Variants in INPP4B observed in about 807,000 individuals in gnomAD.
INPP4B encodes the protein inositol polyphosphate-4-phosphatase type II B.
In INPP4B, 55 loss-of-function variants were observed where a neutral mutation model predicts 122.5. The observed-to-expected ratio is 0.45, with a 90% CI of 0.36 to 0.56. The LOEUF (loss-of-function observed/expected upper bound fraction) is 0.56, where lower values mean the gene tolerates loss of function less well. Ranked by LOEUF, INPP4B falls within the 20% of genes least tolerant of loss-of-function variation. INPP4B has a pLI of 0.00. For missense variants in INPP4B, 1,000 were observed against 1,097.7 expected (o/e 0.91, Z 1.26); for synonymous variants, 403 against 388.7 (o/e 1.04, Z -0.43).
intron 22 of INPP4B, among the ~76,000 whole-genome samples, chr4:142,111,848 A>G (rs191336948): frequency 1.3e-5 from 2 of 152,204 alleles, no homozygotes. Context: ...AGTTCAAAAA[A>G]TTCTCCTGCC....
intron 2 of INPP4B, among the ~76,000 whole-genome samples, chr4:142,548,175 C>A (rs1037689213): frequency 5.9e-5 from 9 of 152,124 alleles, no homozygotes; most frequent in Admixed American, 3.9e-4. Flanking sequence ...CTTTGGAAAG[C>A]TTAAATGGTG....
chr4:142,113,829 G>T (rs1791513950), intron 21 of INPP4B, among the ~76,000 whole-genome samples: 1 of 151,862 alleles, frequency 6.6e-6, no homozygotes, highest in African/African-American at 2.4e-5. Context: ...AAATTGATAT[G>T]AATTCATGCA....
At chr4:142,717,497 C>A (rs560010687) in intron 2 of INPP4B, among the ~76,000 whole-genome samples, 1 of 152,120 alleles carries the variant, frequency 6.6e-6, no homozygotes, top group Admixed American at 6.6e-5. Context: ...ACCAAAATGT[C>A]CATCAATGGT....
chr4:142,138,217 T>G (rs2152817102), intron 18 of INPP4B, among the ~76,000 whole-genome samples: 1 of 151,884 alleles, frequency 6.6e-6, no homozygotes, highest in Middle Eastern at 3.4e-3. Flanking sequence ...TAAAAAATGA[T>G]GAGTTCATGT....
chr4:142,803,734 G>T (rs1778317757), intron 1 of INPP4B, among the ~76,000 whole-genome samples: 1 of 151,236 alleles, frequency 6.6e-6, no homozygotes, highest in Admixed American at 6.6e-5. Flanking sequence ...TCCTCAATAG[G>T]ATTACTCAGT....
At chr4:142,339,099 TCA>T (rs1400840766) in intron 7 of INPP4B, among the ~76,000 whole-genome samples, 1 of 152,310 alleles carries the variant, frequency 6.6e-6, no homozygotes, top group East Asian at 1.9e-4. Flanking sequence ...CTCAGTTCTC[TCA>T]GTTTTCTGGA....
At chr4:142,729,733 C>T (rs149021596) in intron 1 of INPP4B, among the ~76,000 whole-genome samples, 4 of 152,176 alleles carry the variant, frequency 2.6e-5, no homozygotes, top group Non-Finnish European at 5.9e-5. Flanking sequence ...TTGTTACTTA[C>T]TTCATCCACA....
intron 9 of INPP4B, among the ~76,000 whole-genome samples, chr4:142,280,699 C>T (rs1750793253): frequency 6.6e-6 from 1 of 151,854 alleles, no homozygotes; most frequent in Non-Finnish European, 1.5e-5. Context: ...AGAAAGGACA[C>T]ATCCATTTTC....
intron 16 of INPP4B, among the ~76,000 whole-genome samples, chr4:142,167,885 T>C (rs946813226): frequency 2.6e-5 from 4 of 151,650 alleles, no homozygotes; most frequent in African/African-American, 9.7e-5. Flanking sequence ...TGATTTGTTG[T>C]AGTACAAATC....
intron 1 of INPP4B, among the ~76,000 whole-genome samples, chr4:142,737,137 A>G (rs557076187): frequency 1.3e-5 from 2 of 152,328 alleles, no homozygotes; most frequent in Non-Finnish European, 2.9e-5. Context: ...GAACCAAAAA[A>G]GAGCCTGCAT....
chr4:142,683,944 G>A (rs888056053), intron 2 of INPP4B, among the ~76,000 whole-genome samples: 1 of 151,882 alleles, frequency 6.6e-6, no homozygotes, highest in Non-Finnish European at 1.5e-5. Context: ...GAGAGTGACA[G>A]GATTTTTGGA....
chr4:142,522,976 T>C (rs1340207469), intron 2 of INPP4B, among the ~76,000 whole-genome samples: 1 of 152,090 alleles, frequency 6.6e-6, no homozygotes, highest in Non-Finnish European at 1.5e-5. Context: ...GTCTGATTAG[T>C]AGCTGTGAGT....
rs1452067381 is a variant in INPP4B at position 142,537,016 on chromosome 4, T to C, written c.-190-74290A>G. On this transcript the variant is annotated intron_variant, in intron 2 of 25. Transcript: ENST00000262992. ...TTCACCATGTTGGCCAGGATGGTCTTGATCTCTTGACCTTGTGATCCACCC... is the reference window on the plus strand; with the variant it reads ...TTCACCATGTTGGCCAGGATGGTCTCGATCTCTTGACCTTGTGATCCACCC... Among the ~76,000 whole-genome samples, 2 of 151,916 alleles carry C rather than the reference T, an allele frequency of 1.3e-5. 1 individual carries two copies. The highest frequency in any genetic ancestry group is 4.2e-4 in the South Asian group (2 of 4,812).
At chr4:142,491,338 A>G (rs12108640) in intron 2 of INPP4B, among the ~76,000 whole-genome samples, 54,553 of 152,022 alleles carry the variant, frequency 0.36, 12,284 homozygotes, top group African/African-American at 0.61. Flanking sequence ...CATTAATCTG[A>G]ACAAACATTT....
chr4:142,793,746 AT>A (rs1484079021), intron 1 of INPP4B, among the ~76,000 whole-genome samples: 1 of 152,044 alleles, frequency 6.6e-6, no homozygotes, highest in Non-Finnish European at 1.5e-5. Flanking sequence ...TATAAAACCA[AT>A]TGCATTTCAA....
At chr4:142,049,590 G>A (rs1440588853) in intron 25 of INPP4B, among the ~76,000 whole-genome samples, 1 of 151,850 alleles carries the variant, frequency 6.6e-6, no homozygotes, top group Non-Finnish European at 1.5e-5. Context: ...CTGGTGGTTT[G>A]GAAGTAAAAC....
In INPP4B at chr4:142,730,256, G is replaced by T. The variant is rs1045722959; in HGVS notation, c.-253-4355C>A. ...ATCACATTAGTATCTGATAGCTATT[G>T]CTTTAAGGGGTCAAAGTTTTCCAAT... On this transcript the variant is annotated intron_variant, in intron 1 of 25. Transcript: ENST00000262992. 1.4e-4 allele frequency among the ~76,000 whole-genome samples: 22 copies of T among 152,062 alleles called. 1 individual carries two copies. Among genetic ancestry groups the T allele is most frequent in the South Asian group, 2.1e-4 (1 of 4,816 alleles).
rs5862604 is a variant in INPP4B at position 142,483,182 on chromosome 4, C to CTTTTTTTTTTTTTTTTTT, written c.-190-20474_-190-20457dup. 2.3e-4 allele frequency among the ~76,000 whole-genome samples: 11 copies of CTTTTTTTTTTTTTTTTTT among 48,334 alleles called. 2 individuals carry two copies. Among genetic ancestry groups the CTTTTTTTTTTTTTTTTTT allele is most frequent in the African/African-American group, 1.1e-3 (11 of 10,092 alleles). 31.7% of individuals were successfully genotyped at this position (48,334 alleles called of 152,430 possible). ...TAATAATGACTGGAGTCAGGCTATG[C>CTTTTTTTTTTTTTTTTTT]TTTTTTTTTTTTTTTTTTTTTTTTT... is the stretch of plus-strand genomic sequence containing the variant. On this transcript the variant is annotated intron_variant, in intron 2 of 25. Transcript: ENST00000262992.
At chr4:142,512,475 G>A (rs1372000837) in intron 2 of INPP4B, among the ~76,000 whole-genome samples, 1 of 152,110 alleles carries the variant, frequency 6.6e-6, no homozygotes, top group South Asian at 2.1e-4. Flanking sequence ...GATTGTCTTG[G>A]TTGATTTTTC....
Sources: gnomAD v4.1 joint callset for allele counts (sites outside exome capture counted in the v4.1 genomes callset) on GRCh38, gnomAD v4.1.1 for gene constraint, MANE v1.5 for transcripts, NCBI Gene and HGNC (gene_info 2026-07-23, HGNC 2026-07-21) for gene names.